Variants in IFNG-AS1 observed in about 807,000 individuals in gnomAD.
IFNG-AS1 encodes the protein IFNG antisense RNA 1 (non-protein coding).
chr12:67,996,118 G>A (rs1438470399), intron 2 of IFNG-AS1: 20 of 152,236 alleles, frequency 1.3e-4, no homozygotes, highest in African/African-American at 4.6e-4. Context: ...CTCACTCAAC[G>A]AACATATATT....
At chr12:68,013,452 G>T (rs1364405405) in intron 3 of IFNG-AS1, 1 of 152,184 alleles carries the variant, frequency 6.6e-6, no homozygotes, top group African/African-American at 2.4e-5. Flanking sequence ...GGTACAGTAG[G>T]TTACATGTCA....
intron 3 of IFNG-AS1, among the ~76,000 whole-genome samples, chr12:68,007,901 G>A (rs1441086382): frequency 6.6e-6 from 1 of 151,998 alleles, no homozygotes; most frequent in Non-Finnish European, 1.5e-5. Context: ...GAATCCCCTG[G>A]GTCAAATGGA....
At chr12:68,014,934 A>G (rs1422761256) in intron 3 of IFNG-AS1, among the ~76,000 whole-genome samples, 2 of 152,182 alleles carry the variant, frequency 1.3e-5, no homozygotes, top group African/African-American at 4.8e-5. Context: ...CTTGGTGAAA[A>G]GAGCAATGCA....
chr12:68,004,168 G>A lies in IFNG-AS1; in HGVS notation n.185-1922G>A, dbSNP rs529730059. 2.0e-5 allele frequency among the ~76,000 whole-genome samples: 3 copies of A among 152,210 alleles called. No individual in the cohort carries two copies. The South Asian group carries it at 6.2e-4, about 32-fold the overall frequency. On this transcript the variant is annotated intron_variant and non_coding_transcript_variant, in intron 2 of 5. Coordinates refer to ENST00000536914, the Ensembl canonical transcript of IFNG-AS1. ...TATTTGAAGAAAATGCAGCTTCTCT[G>A]TTTTCTGTCATAGATCTACTCTTCC...
intron 1 of IFNG-AS1, among the ~76,000 whole-genome samples, chr12:67,993,225 T>C (rs1212013893): frequency 6.6e-6 from 1 of 152,244 alleles, no homozygotes; most frequent in Non-Finnish European, 1.5e-5. Flanking sequence ...TCTGTTTCTT[T>C]AGAAAATCAC....
chr12:68,004,208 C>T (rs891346147), intron 2 of IFNG-AS1, among the ~76,000 whole-genome samples: 16 of 152,190 alleles, frequency 1.1e-4, no homozygotes, highest in African/African-American at 3.6e-4. Flanking sequence ...AAACATCTAC[C>T]TCACTGGGTA....
chr12:67,997,531 A>AT (rs893149440), intron 2 of IFNG-AS1, among the ~76,000 whole-genome samples: 6 of 151,332 alleles, frequency 4.0e-5, no homozygotes, highest in East Asian at 1.9e-4. Flanking sequence ...GTAAAAAAAA[A>AT]TTTTTTTTTA....
In IFNG-AS1 at chr12:68,011,411, G is replaced by A. The variant is rs1252137519; in HGVS notation, n.241+5265G>A. ...TTTGTGGTCTCTCTCAGAAGCTAAT[G>A]TTGCTATTTCTGACCACCCTGTATA... On this transcript the variant is annotated intron_variant and non_coding_transcript_variant, in intron 3 of 5. Coordinates refer to ENST00000536914, the Ensembl canonical transcript of IFNG-AS1. Among the ~76,000 whole-genome samples, 12 of 152,244 alleles carry A rather than the reference G, an allele frequency of 7.9e-5. No individual in the cohort carries two copies. The East Asian group carries it at 1.2e-3, about 15-fold the overall frequency.
intron 2 of IFNG-AS1, among the ~76,000 whole-genome samples, chr12:67,998,628 C>CA (rs1469570191): frequency 6.6e-6 from 1 of 151,556 alleles, no homozygotes; most frequent in African/African-American, 2.4e-5. Context: ...GTTTCATTAC[C>CA]AAAAATATAA....
Position 67,998,783 on chromosome 12 carries a change from A to G in IFNG-AS1, n.184+2710A>G, listed in dbSNP as rs138871690. On this transcript the variant is annotated intron_variant and non_coding_transcript_variant, in intron 2 of 5. Coordinates refer to ENST00000536914, the Ensembl canonical transcript of IFNG-AS1. ...TGAAGACAACTTTGAAATCCAATGT[A>G]TTATTATATACATGTATTATTAATA... Among the ~76,000 whole-genome samples, 56 of 152,318 alleles carry G rather than the reference A, an allele frequency of 3.7e-4. No individual in the cohort carries two copies. The East Asian group carries it at 9.6e-3, about 26-fold the overall frequency.
chr12:67,989,492 A>G (rs1879452227), upstream of IFNG-AS1: 1 of 152,224 alleles, frequency 6.6e-6, no homozygotes, highest in Non-Finnish European at 1.5e-5. Flanking sequence ...TCTCAAGTAT[A>G]CCTTCAGAGA....
intron 2 of IFNG-AS1, among the ~76,000 whole-genome samples, chr12:68,001,181 G>T (rs1371151599): frequency 6.6e-6 from 1 of 152,082 alleles, no homozygotes; most frequent in Admixed American, 6.5e-5. Context: ...TGCTAATCAT[G>T]ATGAATGCTG....
At position 68,004,205 on chromosome 12, in the gene IFNG-AS1, T is replaced by A. The variant is rs146583199; in HGVS notation, n.185-1885T>A. The stretch of plus-strand genomic sequence containing the variant: ...AGATCTACTCTTCCTCATAAACATC[T>A]ACCTCACTGGGTACCAATGCATGGA... On this transcript the variant is annotated intron_variant and non_coding_transcript_variant, in intron 2 of 5. Transcript: ENST00000536914. Among the ~76,000 whole-genome samples, 870 of 152,332 alleles carry A rather than the reference T, an allele frequency of 5.7e-3. 12 individuals are homozygous for A. The highest frequency in any genetic ancestry group is 0.029 in the Admixed American group (439 of 15,300).
At chr12:68,004,338 C>T (rs1019076) in intron 2 of IFNG-AS1, among the ~76,000 whole-genome samples, 91,190 of 151,948 alleles carry the variant, frequency 0.6, 27,675 homozygotes, top group Middle Eastern at 0.69. Flanking sequence ...CCTCTCTCTC[C>T]CCAGAGGATC....
intron 1 of IFNG-AS1, among the ~76,000 whole-genome samples, chr12:67,991,236 AT>A (rs1488830097): frequency 6.6e-6 from 1 of 152,238 alleles, no homozygotes; most frequent in Non-Finnish European, 1.5e-5. Flanking sequence ...TTTAAAGTGT[AT>A]TGATTATTAG....
intron 2 of IFNG-AS1, among the ~76,000 whole-genome samples, chr12:67,997,289 C>A (rs905851860): frequency 6.6e-6 from 1 of 151,830 alleles, no homozygotes; most frequent in Non-Finnish European, 1.5e-5. Flanking sequence ...GATGCAGGTG[C>A]ATGACTAGGC....
chr12:68,021,113 G>C (rs1412792505), intron 4 of IFNG-AS1: 1 of 152,080 alleles, frequency 6.6e-6, no homozygotes, highest in Admixed American at 6.6e-5. Flanking sequence ...AATCATGTGA[G>C]TTATTAGTCT....
At chr12:68,008,433 G>T (rs912238794) in intron 3 of IFNG-AS1, among the ~76,000 whole-genome samples, 3 of 151,140 alleles carry the variant, frequency 2.0e-5, no homozygotes, top group Non-Finnish European at 3.0e-5. Context: ...AAAAAAATAT[G>T]TAGAGATACA....
chr12:68,004,316 T>A (rs1042697020), intron 2 of IFNG-AS1, among the ~76,000 whole-genome samples: 55 of 152,218 alleles, frequency 3.6e-4, no homozygotes, highest in Non-Finnish European at 1.5e-4. Flanking sequence ...TACTTTTGCA[T>A]CTTCCCAGCT....
Sources: gnomAD v4.1 joint callset for allele counts (sites outside exome capture counted in the v4.1 genomes callset) on GRCh38, gnomAD v4.1.1 for gene constraint, MANE v1.5 for transcripts, NCBI Gene and HGNC (gene_info 2026-07-23, HGNC 2026-07-21) for gene names.